SNX9: variants seen among roughly 807,000 people sequenced by gnomAD.
The protein encoded by SNX9 is sorting nexin-9.
Under a neutral mutation model 89.4 loss-of-function variants are expected in SNX9, and 44 were observed. The ratio of observed to expected loss-of-function variants is 0.49; its 90% CI spans 0.39 to 0.63. SNX9 has a LOEUF of 0.63. Among genes scored for constraint, SNX9 ranks in the 30% least tolerant of loss-of-function variants. The pLI, the probability that SNX9 is intolerant of heterozygous loss-of-function variation, is 0.00. For missense variants in SNX9, 578 were observed against 736.1 expected, an observed-to-expected ratio of 0.79 and a Z score of 2.49; for synonymous variants, 236 against 247.8, an observed-to-expected ratio of 0.95 and a Z score of 0.45.
rs11962149 is a variant in SNX9 at position 157,854,563 on chromosome 6, A to G, written c.13-12984A>G. 4.7e-3 allele frequency among the ~76,000 whole-genome samples: 723 copies of G among 152,362 alleles called. 7 individuals are homozygous for G. Among genetic ancestry groups the G allele is most frequent in the African/African-American group, 0.017 (693 of 41,584 alleles). On this transcript the variant is annotated intron_variant, in intron 1 of 17. Transcript: ENST00000392185. ...ACATGCAAACACGTATGGCAAATTTATAACATTTTGAGGGATATTTTAAAA... is the reference window on the plus strand; with the variant it reads ...ACATGCAAACACGTATGGCAAATTTGTAACATTTTGAGGGATATTTTAAAA...
chr6:157,932,960 T>C (rs188863087), intron 13 of SNX9, among the ~76,000 whole-genome samples: 2 of 151,928 alleles, frequency 1.3e-5, no homozygotes, highest in Admixed American at 1.3e-4. Context: ...GTGTTGCCTG[T>C]TTTCTCCTTA....
chr6:157,825,243 G>A (rs986963021), intron 1 of SNX9, among the ~76,000 whole-genome samples: 3 of 151,954 alleles, frequency 2.0e-5, no homozygotes, highest in African/African-American at 7.3e-5. Context: ...GCGAGACTCC[G>A]TTTGAAAAAA....
intron 1 of SNX9, among the ~76,000 whole-genome samples, chr6:157,839,215 A>G (rs1339944999): frequency 6.6e-6 from 1 of 152,218 alleles, no homozygotes; most frequent in African/African-American, 2.4e-5. Context: ...GGGGATGTAT[A>G]TATGTAATGA....
intron 10 of SNX9, among the ~76,000 whole-genome samples, chr6:157,925,387 G>A (rs908411248): frequency 2.2e-4 from 33 of 152,046 alleles, no homozygotes; most frequent in Non-Finnish European, 3.8e-4. Context: ...GATTCATAAC[G>A]TGTTGGGGGA....
chr6:157,834,150 G>GTTTTTTTTTTTTTTTTTT (rs561509955), intron 1 of SNX9, among the ~76,000 whole-genome samples: 1 of 35,618 alleles, frequency 2.8e-5, no homozygotes, highest in African/African-American at 1.2e-4. Context: ...GTCCACTGTG[G>GTTTTTTTTTTTTTTTTTT]TTTTTTTTTT....
At chr6:157,915,421 G>GT (rs1163593584) in intron 9 of SNX9, among the ~76,000 whole-genome samples, 2 of 151,300 alleles carry the variant, frequency 1.3e-5, no homozygotes, top group East Asian at 3.9e-4. Context: ...AAAATATATC[G>GT]TATTTGATTT....
chr6:157,873,073 T>G (rs2115140169), intron 2 of SNX9, 29 bp from the exon 3 acceptor site: 1 of 182,042 alleles, frequency 5.5e-6, no homozygotes, highest in Non-Finnish European at 9.9e-6. Flanking sequence ...AATCTTTTTC[T>G]TTTTTTTTTT....
At chr6:157,894,004 G>A (rs1162477459) in intron 4 of SNX9, among the ~76,000 whole-genome samples, 4 of 152,000 alleles carry the variant, frequency 2.6e-5, no homozygotes, top group African/African-American at 9.7e-5. Context: ...AAATCATGGG[G>A]GAAAGATGGA....
At position 157,912,071 on chromosome 6, in the gene SNX9, C is replaced by T. The variant is rs551145381; in HGVS notation, c.949+2046C>T. 1.2e-4 allele frequency among the ~76,000 whole-genome samples: 18 copies of T among 152,320 alleles called. 1 individual carries two copies. Among genetic ancestry groups the T allele is most frequent in the African/African-American group, 4.1e-4 (17 of 41,562 alleles). On this transcript the variant is annotated intron_variant, in intron 9 of 17. Coordinates refer to ENST00000392185, the MANE Select transcript of SNX9 (RefSeq NM_016224.5). ...GCTTCTAACCCAGTTCAGACACTCC[C>T]TGTACCTCAACCCGGTTCAGACACT...
chr6:157,843,205 T>C (rs1781737280), intron 1 of SNX9, among the ~76,000 whole-genome samples: 1 of 152,086 alleles, frequency 6.6e-6, no homozygotes, highest in Non-Finnish European at 1.5e-5. Flanking sequence ...GGTTGAAGAA[T>C]TGACGAAAAT....
chr6:157,837,986 A>G (rs1236182168), intron 1 of SNX9, among the ~76,000 whole-genome samples: 1 of 152,198 alleles, frequency 6.6e-6, no homozygotes, highest in Non-Finnish European at 1.5e-5. Context: ...ATATTGACAG[A>G]AATATTCAGT....
At chr6:157,913,337 G>A (rs1185076229) in intron 9 of SNX9, among the ~76,000 whole-genome samples, 3 of 150,876 alleles carry the variant, frequency 2.0e-5, no homozygotes, top group Non-Finnish European at 4.4e-5. Context: ...TTTTGGAGAC[G>A]GTCTCACTCT....
chr6:157,852,343 T>G (rs888697665), intron 1 of SNX9, among the ~76,000 whole-genome samples: 4 of 152,242 alleles, frequency 2.6e-5, no homozygotes, highest in African/African-American at 9.6e-5. Flanking sequence ...ATGAAATGTC[T>G]GATTACTGGA....
intron 10 of SNX9, among the ~76,000 whole-genome samples, chr6:157,926,401 A>G (rs1386487617): frequency 6.6e-6 from 1 of 152,208 alleles, no homozygotes; most frequent in Non-Finnish European, 1.5e-5. Context: ...AAAATAGCTC[A>G]TAATACTGGT....
At chr6:157,868,343 A>G (rs1269966278) in intron 2 of SNX9, among the ~76,000 whole-genome samples, 1 of 152,220 alleles carries the variant, frequency 6.6e-6, no homozygotes, top group African/African-American at 2.4e-5. Context: ...ATGTATACAT[A>G]TGTACACATA....
chr6:157,835,406 C>G (rs1179460187), intron 1 of SNX9, among the ~76,000 whole-genome samples: 1 of 150,292 alleles, frequency 6.7e-6, no homozygotes, highest in Non-Finnish European at 1.5e-5. Context: ...AAAACCCATT[C>G]CCCTTCTTTT....
chr6:157,927,978 AAATC>A (rs1172504657), intron 11 of SNX9, among the ~76,000 whole-genome samples: 1 of 152,076 alleles, frequency 6.6e-6, no homozygotes, highest in Non-Finnish European at 1.5e-5. Context: ...CGCAGAGAGA[AAATC>A]AGTGTTAATA....
chr6:157,891,027 C>CTTTTTTTTTTTTTTTTTT (rs67186551), intron 4 of SNX9, among the ~76,000 whole-genome samples: 1 of 114,940 alleles, frequency 8.7e-6, no homozygotes, highest in Non-Finnish European at 1.8e-5. Flanking sequence ...TTTTCTTTCT[C>CTTTTTTTTTTTTTTTTTT]TTTTTTTTTT....
intron 4 of SNX9, among the ~76,000 whole-genome samples, chr6:157,880,103 G>T (rs539906341): frequency 6.6e-6 from 1 of 152,162 alleles, no homozygotes; most frequent in Non-Finnish European, 1.5e-5. Flanking sequence ...TTCACACCCC[G>T]CCAGTCCCCA....
Sources: gnomAD v4.1 joint callset for allele counts (sites outside exome capture counted in the v4.1 genomes callset) on GRCh38, gnomAD v4.1.1 for gene constraint, MANE v1.5 for transcripts, NCBI Gene and HGNC (gene_info 2026-07-23, HGNC 2026-07-21) for gene names.